PRKG1: variants seen among roughly 807,000 people sequenced by gnomAD.
PRKG1 encodes protein kinase cGMP-dependent 1, also known as cGMP-dependent protein kinase 1.
A neutral mutation model predicts 88.1 loss-of-function variants in PRKG1; 35 were observed. The ratio of observed to expected loss-of-function variants is 0.40; its 90% CI spans 0.30 to 0.53. The LOEUF (loss-of-function observed/expected upper bound fraction) is 0.53. Among genes scored for constraint, PRKG1 ranks in the 20% least tolerant of loss-of-function variants. PRKG1 has a pLI of 0.59. For missense variants in PRKG1, 540 were observed against 839.8 expected (o/e 0.64, Z 4.41); for synonymous variants, 303 against 292.5 (o/e 1.04, Z -0.37).
chr10:51,549,218 G>T (rs1358787426), intron 3 of PRKG1, among the ~76,000 whole-genome samples: 1 of 143,620 alleles, frequency 7.0e-6, no homozygotes, highest in Admixed American at 7.3e-5. Context: ...CTGCCTCCCA[G>T]GTTCAAGTGA....
Position 51,369,640 on chromosome 10 carries a change from G to A in PRKG1, c.479-98083G>A, listed in dbSNP as rs554409632. On this transcript the variant is annotated intron_variant, in intron 2 of 17. Coordinates refer to ENST00000373980, the MANE Select transcript of PRKG1 (RefSeq NM_006258.4). ...TTGCACAGCAAGAACTGGAATCCAG[G>A]TCTCTTGGTTGGCAGTCCAGTGCTG... 4.6e-5 allele frequency among the ~76,000 whole-genome samples: 7 copies of A among 152,240 alleles called. 1 individual carries two copies. In the South Asian group the frequency reaches 1.5e-3, roughly 32 times the overall value.
At chr10:51,732,312 G>A (rs1440509395) in intron 3 of PRKG1, among the ~76,000 whole-genome samples, 1 of 152,122 alleles carries the variant, frequency 6.6e-6, no homozygotes, top group Non-Finnish European at 1.5e-5. Context: ...CCTCTTCACA[G>A]GCCCTGTCTC....
At chr10:51,966,280 C>T (rs1046600056) in intron 5 of PRKG1, among the ~76,000 whole-genome samples, 2 of 152,076 alleles carry the variant, frequency 1.3e-5, no homozygotes, top group African/African-American at 4.8e-5. Context: ...ATTGTAATCT[C>T]TTATTATTAC....
chr10:51,187,600 T>C (rs1027529493), intron 2 of PRKG1, among the ~76,000 whole-genome samples: 6 of 151,982 alleles, frequency 3.9e-5, no homozygotes, highest in Admixed American at 6.6e-5. Context: ...AAATTCAAAT[T>C]ATTTAGGTAG....
intron 2 of PRKG1, among the ~76,000 whole-genome samples, chr10:51,350,265 T>C (rs1467869171): frequency 6.6e-6 from 1 of 152,156 alleles, no homozygotes; most frequent in African/African-American, 2.4e-5. Flanking sequence ...GACAAGGCCA[T>C]TGAAAGCTCA....
At chr10:51,149,916 A>C (rs1846027482) in intron 1 of PRKG1, among the ~76,000 whole-genome samples, 1 of 152,136 alleles carries the variant, frequency 6.6e-6, no homozygotes, top group South Asian at 2.1e-4. Context: ...ATATCATTAT[A>C]TATAGCTAAT....
At chr10:52,259,888 A>G (rs533940897) in intron 10 of PRKG1, among the ~76,000 whole-genome samples, 1 of 152,252 alleles carries the variant, frequency 6.6e-6, no homozygotes, top group East Asian at 1.9e-4. Context: ...TTACTTAGCT[A>G]CAGTTGATGT....
chr10:51,947,423 G>A (rs1353562811), intron 5 of PRKG1, among the ~76,000 whole-genome samples: 4 of 152,156 alleles, frequency 2.6e-5, no homozygotes, highest in Admixed American at 6.5e-5. Context: ...TCCCAAGTGA[G>A]GCAATGCCTC....
intron 5 of PRKG1, among the ~76,000 whole-genome samples, chr10:51,941,438 GT>G (rs202061117): frequency 2.0e-5 from 3 of 151,488 alleles, no homozygotes; most frequent in East Asian, 1.9e-4. Context: ...ACGTGCTTAT[GT>G]TTTTTTATTA....
chr10:51,471,488 A>G (rs1300271607), intron 3 of PRKG1, among the ~76,000 whole-genome samples: 1 of 151,580 alleles, frequency 6.6e-6, no homozygotes, highest in African/African-American at 2.4e-5. Context: ...CTAAAGTGTC[A>G]CTCCCGGGTG....
At chr10:52,189,612 C>T (rs1232626715) in intron 9 of PRKG1, among the ~76,000 whole-genome samples, 3 of 152,262 alleles carry the variant, frequency 2.0e-5, no homozygotes, top group East Asian at 3.9e-4. Context: ...GGTACAGTTT[C>T]ATCCTGAAAC....
chr10:51,242,042 T>A (rs1054329234), intron 2 of PRKG1, among the ~76,000 whole-genome samples: 1 of 150,786 alleles, frequency 6.6e-6, no homozygotes, highest in African/African-American at 2.4e-5. Flanking sequence ...CTGAATAAGG[T>A]GGGAAGCTCC....
At chr10:51,597,768 A>G (rs148814119) in intron 3 of PRKG1, among the ~76,000 whole-genome samples, 308 of 152,314 alleles carry the variant, frequency 2.0e-3, no homozygotes, top group African/African-American at 7.0e-3. Context: ...GGAAAACAAA[A>G]TGGAAAAAAT....
At position 51,808,872 on chromosome 10, in the gene PRKG1, C is replaced by T. The variant is rs546581346; in HGVS notation, c.698+4182C>T. Among the ~76,000 whole-genome samples, 139 of 152,194 alleles carry T rather than the reference C, an allele frequency of 9.1e-4. 5 individuals carry two copies. In the South Asian group the frequency reaches 0.025, roughly 28 times the overall value. ...TCATGCAAATTATCAGAGTTCTTTT[C>T]GGTAGGGGTCTCTGTTGTACATCCC... is the stretch of plus-strand genomic sequence containing the variant. On this transcript the variant is annotated intron_variant, in intron 4 of 17. Transcript: ENST00000373980.
intron 7 of PRKG1, among the ~76,000 whole-genome samples, chr10:52,083,041 G>A (rs914016629): frequency 6.6e-6 from 1 of 152,052 alleles, no homozygotes; most frequent in Non-Finnish European, 1.5e-5. Context: ...TGTGGTGGGT[G>A]AGGGGATATG....
At chr10:52,276,469 C>T (rs1841877105) in intron 12 of PRKG1, among the ~76,000 whole-genome samples, 1 of 152,122 alleles carries the variant, frequency 6.6e-6, no homozygotes, top group Non-Finnish European at 1.5e-5. Flanking sequence ...TATCCAAGAA[C>T]TCAGTTTATG....
intron 3 of PRKG1, among the ~76,000 whole-genome samples, chr10:51,574,400 A>T (rs927555406): frequency 9.9e-5 from 15 of 151,916 alleles, no homozygotes; most frequent in Non-Finnish European, 2.1e-4. Context: ...AAAAATTGAA[A>T]TGTTGCCAGC....
intron 2 of PRKG1, among the ~76,000 whole-genome samples, chr10:51,252,615 A>G (rs556983756): frequency 3.3e-5 from 5 of 151,890 alleles, no homozygotes; most frequent in Non-Finnish European, 5.9e-5. Flanking sequence ...TCTACATAAT[A>G]ATTGCCCTTA....
intron 4 of PRKG1, among the ~76,000 whole-genome samples, chr10:51,885,963 G>A (rs1458903814): frequency 2.0e-5 from 3 of 152,124 alleles, no homozygotes; most frequent in Non-Finnish European, 4.4e-5. Flanking sequence ...AAAACCGCAT[G>A]GTGCCATAAA....
Sources: allele counts gnomAD v4.1 joint callset (sites outside exome capture counted in the v4.1 genomes callset), GRCh38; gene constraint gnomAD v4.1.1; transcripts MANE v1.5; gene names NCBI Gene and HGNC (gene_info 2026-07-23, HGNC 2026-07-21).